The following PI4K2B variants were observed in gnomAD, a reference collection of about 807,000 sequenced individuals.
PI4K2B encodes phosphatidylinositol 4-kinase type 2 beta, also known as phosphatidylinositol 4-kinase type 2-beta.
In PI4K2B, 46 loss-of-function variants were observed where a neutral mutation model predicts 56.6. That is an observed-to-expected ratio of 0.81 (90% CI 0.64 to 1.04). PI4K2B has a LOEUF of 1.04. Ranked by LOEUF, PI4K2B falls within the 50% of genes least tolerant of loss-of-function variation. The pLI, the probability that PI4K2B is intolerant of heterozygous loss-of-function variation, is 0.00. For missense variants in PI4K2B, 556 were observed against 607.7 expected, an observed-to-expected ratio of 0.91 and a Z score of 0.89; for synonymous variants, 211 against 223.8, an observed-to-expected ratio of 0.94 and a Z score of 0.51.
Position 25,255,227 on chromosome 4 carries a change from G to A in PI4K2B, c.586G>A (p.Asp196Asn). Residue 196 changes from aspartate (D) to asparagine (N), a missense_variant, in exon 3 of 10, where the codon GAC becomes AAC. Physicochemically the swap from Asp to Asn is conservative, Grantham distance 23. Coordinates refer to ENST00000264864, the MANE Select transcript of PI4K2B (RefSeq NM_018323.4). ...YLSEAGAYLVDNKLHLSIVPK... is the reference protein window; with the variant it reads ...YLSEAGAYLVNNKLHLSIVPK... ...TTCCGAAGCGGGTGCCTATCTTGTG[G>A]ACAACAAGCTTCATCTGAGCATTGT... 4 of 1,614,106 alleles carry A rather than the reference G, an allele frequency of 2.5e-6. No homozygotes were observed. The highest frequency in any genetic ancestry group is 3.4e-6 in the Non-Finnish European group (4 of 1,180,024).
Position 25,269,130 on chromosome 4 carries a change from C to T in PI4K2B, c.1213-14C>T, listed in dbSNP as rs775557481. 73 of 1,479,808 alleles carry T rather than the reference C, an allele frequency of 4.9e-5. No individual in the cohort carries two copies. The highest frequency in any genetic ancestry group is 6.3e-5 in the Non-Finnish European group (68 of 1,075,202). 91.7% of individuals were successfully genotyped at this position (1,479,808 alleles called of 1,614,324 possible). On this transcript the variant is annotated splice_polypyrimidine_tract_variant and intron_variant, in intron 8 of 9. Coordinates refer to ENST00000264864, the MANE Select transcript of PI4K2B (RefSeq NM_018323.4). The stretch of plus-strand genomic sequence containing the variant: ...TCTTTATTTTGGGAATTGTTTTTTT[C>T]CTTTCTATAATAGACTGACAAAGGA...
chr4:25,259,953 G>T (rs889865819), intron 5 of PI4K2B, among the ~76,000 whole-genome samples: 1 of 152,196 alleles, frequency 6.6e-6, no homozygotes, highest in African/African-American at 2.4e-5. Context: ...AACAGAAATT[G>T]CAAGTGGGTA....
chr4:25,234,247 G>C lies in PI4K2B; in HGVS notation c.84G>C (p.Pro28=), dbSNP rs1021856772. Residue 28 remains proline (P), a synonymous_variant, in exon 1 of 10, where the codon CCG becomes CCC. Transcript: ENST00000264864. ...PEEEEDGERE[P]LLPRIAWAHP... ...AGGAGGAGGATGGGGAGCGGGAGCC[G>C]CTGCTACCGCGGATCGCCTGGGCCC... 11 of 1,427,466 alleles carry C rather than the reference G, an allele frequency of 7.7e-6. No homozygotes were observed. Among genetic ancestry groups the C allele is most frequent in the Non-Finnish European group, 1.0e-5 (11 of 1,089,356 alleles). The allele number at this position is 1,427,466 out of a possible 1,614,324, so 88.4% of individuals were successfully genotyped here. A position where few individuals can be genotyped will look rare whatever the true frequency, so the allele number is the denominator to read the frequency against.
rs903486808 is a variant in PI4K2B at position 25,278,104 on chromosome 4, T to C, written c.*917T>C. 2.6e-5 allele frequency: 4 copies of C among 152,222 alleles called. No individual in the cohort carries two copies. The highest frequency in any genetic ancestry group is 5.9e-5 in the Non-Finnish European group (4 of 68,022). The allele number at this position is 152,222 out of a possible 1,614,324, so 9.4% of individuals were successfully genotyped here. ...GGTCATACGTTCTTCAAAATTATTATGATTGTACTATTGTACTTGAAATTA... is the reference window on the plus strand; with the variant it reads ...GGTCATACGTTCTTCAAAATTATTACGATTGTACTATTGTACTTGAAATTA... On this transcript the variant is annotated 3_prime_UTR_variant, in exon 10 of 10. Coordinates refer to ENST00000264864, the MANE Select transcript of PI4K2B (RefSeq NM_018323.4).
intron 6 of PI4K2B, among the ~76,000 whole-genome samples, chr4:25,262,293 G>A (rs933766172): frequency 6.6e-6 from 1 of 152,098 alleles, no homozygotes; most frequent in African/African-American, 2.4e-5. Context: ...GTGAGTTGTG[G>A]TTGTGCCTCT....
chr4:25,264,387 T>C (rs1390256147), intron 7 of PI4K2B, among the ~76,000 whole-genome samples: 1 of 152,198 alleles, frequency 6.6e-6, no homozygotes, highest in African/African-American at 2.4e-5. Flanking sequence ...AATTCTCTTA[T>C]AATTAAAAAA....
chr4:25,265,317 C>T (rs997849243), intron 7 of PI4K2B, among the ~76,000 whole-genome samples: 1 of 149,944 alleles, frequency 6.7e-6, no homozygotes, highest in South Asian at 2.1e-4. Context: ...TGTTAAGCAT[C>T]GGTCCTTCTA....
chr4:25,259,537 G>C (rs1469469861), intron 5 of PI4K2B, among the ~76,000 whole-genome samples: 1 of 152,084 alleles, frequency 6.6e-6, no homozygotes, highest in Non-Finnish European at 1.5e-5. Context: ...GTAACTCTTA[G>C]TGTAGTCTAT....
intron 1 of PI4K2B, among the ~76,000 whole-genome samples, chr4:25,234,967 C>G (rs527246775): frequency 1.3e-5 from 2 of 151,902 alleles, no homozygotes; most frequent in Non-Finnish European, 2.9e-5. Context: ...TTCCTGCCCT[C>G]TTACAGTTTA....
intron 1 of PI4K2B, among the ~76,000 whole-genome samples, chr4:25,237,300 A>G (rs1480116460): frequency 3.9e-5 from 6 of 152,000 alleles, no homozygotes; most frequent in African/African-American, 1.5e-4. Context: ...TGCTTCATAT[A>G]TATTAATTCA....
At chr4:25,244,690 T>C (rs313557) in intron 1 of PI4K2B, among the ~76,000 whole-genome samples, 89,574 of 151,890 alleles carry the variant, frequency 0.59, 28,639 homozygotes, top group Non-Finnish European at 0.72. Flanking sequence ...CAAAACCGCC[T>C]GCAGTTTTGG....
intron 4 of PI4K2B, among the ~76,000 whole-genome samples, chr4:25,257,794 A>C (rs1716310814): frequency 6.6e-6 from 1 of 152,208 alleles, no homozygotes; most frequent in South Asian, 2.1e-4. Flanking sequence ...GTTCTTCCTT[A>C]GACATGCTGA....
At chr4:25,267,974 T>TTCAAAAGTAGCTGGA in intron 7 of PI4K2B, 2 of 479,888 alleles carry the variant, frequency 4.2e-6, no homozygotes, top group Non-Finnish European at 2.7e-6. Flanking sequence ...TAGTTCCAGC[T>TTCAAAAGTAGCTGGA]ACTTTTGAAG....
intron 7 of PI4K2B, among the ~76,000 whole-genome samples, chr4:25,268,222 C>G: frequency 6.6e-6 from 1 of 152,218 alleles, no homozygotes; most frequent in Admixed American, 6.5e-5. Context: ...TAAACTCTTA[C>G]TCTTTACTGT....
intron 9 of PI4K2B, chr4:25,276,773 A>G (rs1337069294): frequency 3.0e-6 from 3 of 984,976 alleles, no homozygotes; most frequent in Non-Finnish European, 3.6e-6. Context: ...TAAACTTACC[A>G]TCTGGCAAAA....
chr4:25,264,569 T>G (rs1716597224), intron 7 of PI4K2B, among the ~76,000 whole-genome samples: 1 of 152,158 alleles, frequency 6.6e-6, no homozygotes, highest in Non-Finnish European at 1.5e-5. Context: ...TTCTGATATT[T>G]GTATGTGTTT....
intron 9 of PI4K2B, among the ~76,000 whole-genome samples, chr4:25,269,952 G>A (rs1386609865): frequency 4.6e-5 from 7 of 151,958 alleles, no homozygotes; most frequent in Admixed American, 6.6e-5. Context: ...TCCTGACCTC[G>A]TGATCTGCCC....
At chr4:25,275,422 G>A (rs1717059062) in intron 9 of PI4K2B, among the ~76,000 whole-genome samples, 1 of 152,164 alleles carries the variant, frequency 6.6e-6, no homozygotes, top group East Asian at 1.9e-4. Context: ...CCAGCACTTT[G>A]GGAGGCTGAG....
chr4:25,252,392 G>A lies in PI4K2B; in HGVS notation c.340G>A (p.Glu114Lys). 3 of 1,608,444 alleles carry A rather than the reference G, an allele frequency of 1.9e-6. No individual in the cohort carries two copies. Among genetic ancestry groups the A allele is most frequent in the Non-Finnish European group, 2.6e-6 (3 of 1,174,812 alleles). ...PEFADIMLRAEQAIEVGIFPE... is the reference protein window; with the variant it reads ...PEFADIMLRAKQAIEVGIFPE... ...ATTTGCCGATATTATGCTGAGAGCA[G>A]AGCAAGCAATAGAAGTTGGAATTTT... The change falls in exon 2 of 10, where the codon GAG becomes AAG. Residue 114 changes from glutamate to lysine, a missense_variant. Glu to Lys is a moderately conservative substitution (Grantham distance 56, BLOSUM62 1). Coordinates refer to ENST00000264864, the MANE Select transcript of PI4K2B (RefSeq NM_018323.4).
Sources: gnomAD v4.1 joint callset for allele counts (sites outside exome capture counted in the v4.1 genomes callset) on GRCh38, gnomAD v4.1.1 for gene constraint, MANE v1.5 for transcripts, NCBI Gene and HGNC (gene_info 2026-07-23, HGNC 2026-07-21) for gene names.